Variants in MROH9 observed in about 807,000 individuals in gnomAD.
MROH9 encodes maestro heat like repeat family member 9.
In MROH9, 92 loss-of-function variants were observed where a neutral mutation model predicts 98.2. The ratio of observed to expected loss-of-function variants is 0.94; its 90% confidence interval spans 0.79 to 1.11. The LOEUF is 1.11. MROH9 is among the 50% of genes most tolerant of loss of function. The pLI is 0.00. For missense variants in MROH9, 1,057 were observed against 1,014.8 expected, an observed-to-expected ratio of 1.04 and a Z score of -0.57; for synonymous variants, 397 against 368.9, an observed-to-expected ratio of 1.08 and a Z score of -0.87.
chr1:171,051,190 A>G (rs1480863254), intron 20 of MROH9, among the ~76,000 whole-genome samples: 2 of 152,210 alleles, frequency 1.3e-5, no homozygotes, highest in Admixed American at 1.3e-4. Context: ...TATTTCCTCA[A>G]AGACCTAAAA....
At chr1:170,992,702 T>C (rs1024536997) in intron 12 of MROH9, among the ~76,000 whole-genome samples, 1 of 152,154 alleles carries the variant, frequency 6.6e-6, no homozygotes, top group Non-Finnish European at 1.5e-5. Flanking sequence ...GATCCTTACA[T>C]ATATCTGAGT....
chr1:170,989,718 A>G, intron 10 of MROH9, 137 bp from the exon 11 acceptor site: 6 of 655,088 alleles, frequency 9.2e-6, no homozygotes, highest in Non-Finnish European at 1.6e-5. Flanking sequence ...TATGCTTTCT[A>G]CTAGTGCTTA....
At chr1:171,000,841 A>G (rs2101819133) in intron 15 of MROH9, among the ~76,000 whole-genome samples, 1 of 152,236 alleles carries the variant, frequency 6.6e-6, no homozygotes, top group African/African-American at 2.4e-5. Context: ...AATGTCTGGT[A>G]GAATTCTGCT....
chr1:170,937,994 T>C (rs1171783401), intron 1 of MROH9, among the ~76,000 whole-genome samples: 2 of 152,118 alleles, frequency 1.3e-5, no homozygotes, highest in Non-Finnish European at 2.9e-5. Flanking sequence ...TTGATCTTAA[T>C]CACAGGACAC....
At chr1:170,936,985 T>C (rs1248350540) in intron 1 of MROH9, among the ~76,000 whole-genome samples, 1 of 152,202 alleles carries the variant, frequency 6.6e-6, no homozygotes, top group African/African-American at 2.4e-5. Flanking sequence ...GTTTTATGAC[T>C]TGAGTTTATC....
intron 20 of MROH9, among the ~76,000 whole-genome samples, chr1:171,040,611 T>G (rs919722017): frequency 2.0e-5 from 3 of 152,128 alleles, no homozygotes; most frequent in African/African-American, 7.2e-5. Context: ...AACCTCAGAA[T>G]GGACACCCTC....
At chr1:170,998,086 T>C (rs755744235) in intron 14 of MROH9, 68 bp from the exon 15 acceptor site, 38 of 1,176,416 alleles carry the variant, frequency 3.2e-5, no homozygotes, top group Non-Finnish European at 4.3e-5. Context: ...GAATAATGAT[T>C]CTCTCTTTGC....
At chr1:171,019,209 A>G (rs750170795) in intron 17 of MROH9, among the ~76,000 whole-genome samples, 18 of 152,248 alleles carry the variant, frequency 1.2e-4, no homozygotes, top group Admixed American at 9.8e-4. Context: ...CTGCTCCTGA[A>G]TGACTCCTGG....
chr1:171,059,216 A>G (rs1653941996), intron 20 of MROH9, among the ~76,000 whole-genome samples: 1 of 151,002 alleles, frequency 6.6e-6, no homozygotes, highest in African/African-American at 2.4e-5. Flanking sequence ...GGGCAAAGTA[A>G]CAAAAGTGGG....
chr1:171,009,411 A>G (rs1407955602), intron 15 of MROH9, among the ~76,000 whole-genome samples: 1 of 152,226 alleles, frequency 6.6e-6, no homozygotes, highest in Admixed American at 6.5e-5. Context: ...TTTTACTCAG[A>G]AGGTTTATTG....
intron 10 of MROH9, among the ~76,000 whole-genome samples, chr1:170,988,538 C>T (rs1044149380): frequency 4.6e-5 from 7 of 152,170 alleles, no homozygotes; most frequent in African/African-American, 1.4e-4. Flanking sequence ...GTAAAACTAG[C>T]TTCTGCTACA....
At chr1:171,032,149 T>C (rs1284527987) in intron 20 of MROH9, among the ~76,000 whole-genome samples, 1 of 152,210 alleles carries the variant, frequency 6.6e-6, no homozygotes, top group East Asian at 1.9e-4. Flanking sequence ...TGTTTCTCTC[T>C]AAACTGGTTA....
chr1:170,969,353 A>G (rs1650349793), intron 7 of MROH9, among the ~76,000 whole-genome samples: 1 of 152,204 alleles, frequency 6.6e-6, no homozygotes, highest in Admixed American at 6.5e-5. Flanking sequence ...GATTCTACTT[A>G]TGTTCCTATT....
intron 8 of MROH9, among the ~76,000 whole-genome samples, chr1:170,975,947 AT>A (rs1308948624): frequency 1.3e-5 from 2 of 151,850 alleles, no homozygotes; most frequent in African/African-American, 4.8e-5. Flanking sequence ...CTTAAAGTCT[AT>A]TTTGCCTGAG....
At chr1:170,961,825 A>T (rs1225160278) in intron 5 of MROH9, 65 bp from the exon 6 acceptor site, 2 of 739,756 alleles carry the variant, frequency 2.7e-6, no homozygotes, top group Non-Finnish European at 4.1e-6. Context: ...GCAAGAAAAA[A>T]ACTGTAGACA....
intron 20 of MROH9, among the ~76,000 whole-genome samples, chr1:171,039,622 T>A (rs1243747495): frequency 6.6e-6 from 1 of 152,188 alleles, no homozygotes; most frequent in Admixed American, 6.5e-5. Flanking sequence ...AAAATCTAGT[T>A]GTTAGCTGGG....
intron 8 of MROH9, among the ~76,000 whole-genome samples, chr1:170,975,793 G>A (rs1484086933): frequency 6.6e-6 from 1 of 152,162 alleles, no homozygotes; most frequent in Non-Finnish European, 1.5e-5. Context: ...AAGTTTCTTT[G>A]AAGAACTCTA....
intron 15 of MROH9, among the ~76,000 whole-genome samples, chr1:171,003,470 A>T (rs140536733): frequency 2.0e-5 from 3 of 152,206 alleles, no homozygotes; most frequent in African/African-American, 7.2e-5. Flanking sequence ...TTTCCTGTGG[A>T]TGTGGCTTCC....
intron 3 of MROH9, among the ~76,000 whole-genome samples, chr1:170,955,276 C>A (rs1021712992): frequency 6.6e-6 from 1 of 152,104 alleles, no homozygotes; most frequent in Non-Finnish European, 1.5e-5. Flanking sequence ...CTGCTATAAA[C>A]GTGCTTGTGC....
Sources: gnomAD v4.1 joint callset for allele counts (sites outside exome capture counted in the v4.1 genomes callset) on GRCh38, gnomAD v4.1.1 for gene constraint, MANE v1.5 for transcripts, NCBI Gene and HGNC (gene_info 2026-07-23, HGNC 2026-07-21) for gene names.